Variants in IMMP2L observed in about 807,000 individuals in gnomAD.
The protein encoded by IMMP2L is inner mitochondrial membrane peptidase subunit 2.
In IMMP2L, 18 loss-of-function variants were observed where a neutral mutation model predicts 19.3. The ratio of observed to expected loss-of-function variants is 0.93; its 90% confidence interval spans 0.64 to 1.38. The LOEUF is 1.38. Ranked by LOEUF, IMMP2L falls within the 40% of genes most tolerant of loss-of-function variation. The pLI is 0.00. For missense variants in IMMP2L, 233 were observed against 218.2 expected (o/e 1.07, Z -0.43); for synonymous variants, 76 against 73.0 (o/e 1.04, Z -0.21).
chr7:111,152,086 G>A (rs1007412828), intron 3 of IMMP2L, among the ~76,000 whole-genome samples: 1 of 152,120 alleles, frequency 6.6e-6, no homozygotes, highest in Non-Finnish European at 1.5e-5. Flanking sequence ...TATGGTGTTA[G>A]GGATTTGCTT....
At chr7:111,254,306 TAAAA>T in intron 3 of IMMP2L, among the ~76,000 whole-genome samples, 1 of 152,232 alleles carries the variant, frequency 6.6e-6, no homozygotes, top group East Asian at 1.9e-4. Context: ...GGAATGATCC[TAAAA>T]ACTCTGGAAT....
intron 5 of IMMP2L, among the ~76,000 whole-genome samples, chr7:110,666,336 G>A (rs371708995): frequency 4.1e-4 from 62 of 152,106 alleles, no homozygotes; most frequent in African/African-American, 1.4e-3. Context: ...GTGCAGTGGC[G>A]CAATCTCAGC....
intron 5 of IMMP2L, among the ~76,000 whole-genome samples, chr7:110,762,483 C>T (rs1308771267): frequency 2.0e-5 from 3 of 152,114 alleles, no homozygotes; most frequent in African/African-American, 7.2e-5. Flanking sequence ...TATCACATTG[C>T]CTGAACATCA....
In IMMP2L at chr7:111,274,042, T is replaced by C. The variant is rs541265636; in HGVS notation, c.239+213196A>G. On this transcript the variant is annotated intron_variant, in intron 3 of 5. Transcript: ENST00000405709. ...GAAGAAAATGTGCTTCCCTAACCTA[T>C]TCTTTATTTACTCTGCCAATGACAC... Among the ~76,000 whole-genome samples, 9 of 152,290 alleles carry C rather than the reference T, an allele frequency of 5.9e-5. No individual in the cohort carries two copies. The South Asian group carries it at 1.9e-3, about 32-fold the overall frequency.
At chr7:111,330,114 G>GAAAATTTTAAAAGGAA (rs1257781596) in intron 3 of IMMP2L, among the ~76,000 whole-genome samples, 1 of 151,154 alleles carries the variant, frequency 6.6e-6, no homozygotes, top group Non-Finnish European at 1.5e-5. Context: ...TGAATGACCA[G>GAAAATTTTAAAAGGAA]AAAATTTTAA....
chr7:110,895,786 T>C (rs1031851352), intron 4 of IMMP2L, among the ~76,000 whole-genome samples: 1 of 152,242 alleles, frequency 6.6e-6, no homozygotes. Flanking sequence ...TTAATGTTAT[T>C]TTAAAAGATA....
At chr7:110,787,852 A>G (rs753850402) in intron 5 of IMMP2L, among the ~76,000 whole-genome samples, 4 of 150,600 alleles carry the variant, frequency 2.7e-5, no homozygotes, top group Non-Finnish European at 3.0e-5. Context: ...AAGTTCCAGG[A>G]AGGACAAAAA....
At chr7:111,203,761 C>T (rs1296141777) in intron 3 of IMMP2L, among the ~76,000 whole-genome samples, 3 of 151,484 alleles carry the variant, frequency 2.0e-5, no homozygotes, top group Non-Finnish European at 4.4e-5. Flanking sequence ...CAAAAAAGAT[C>T]CTCGGGGTAT....
chr7:111,199,459 C>T (rs1586795693), intron 3 of IMMP2L, among the ~76,000 whole-genome samples: 1 of 151,826 alleles, frequency 6.6e-6, no homozygotes, highest in East Asian at 1.9e-4. Context: ...CTAAAAGAAG[C>T]CAAAACTAAA....
chr7:111,152,432 C>G (rs951577754), intron 3 of IMMP2L, among the ~76,000 whole-genome samples: 3 of 152,134 alleles, frequency 2.0e-5, no homozygotes, highest in Non-Finnish European at 4.4e-5. Context: ...ATCTCTGTTA[C>G]TGCACACATC....
At chr7:110,909,968 T>C (rs866600173) in intron 4 of IMMP2L, among the ~76,000 whole-genome samples, 1 of 148,498 alleles carries the variant, frequency 6.7e-6, no homozygotes, top group African/African-American at 2.6e-5. Context: ...AAACAGTAAA[T>C]GTGCCAAGGA....
intron 3 of IMMP2L, among the ~76,000 whole-genome samples, chr7:111,030,882 GTGTATATATATATATATATATA>G (rs1285784948): frequency 0.03 from 1,542 of 50,766 alleles, 33 homozygotes; most frequent in African/African-American, 0.068. Flanking sequence ...GTGTGTGTGT[GTGTATATATATATATATATATA>G]TATATATATA....
At chr7:111,113,981 C>A (rs1261624519) in intron 3 of IMMP2L, among the ~76,000 whole-genome samples, 1 of 152,080 alleles carries the variant, frequency 6.6e-6, no homozygotes, top group African/African-American at 2.4e-5. Context: ...GTGTAAAATA[C>A]AAATTAAGGC....
At chr7:111,255,539 TATA>T (rs1394653557) in intron 3 of IMMP2L, among the ~76,000 whole-genome samples, 2 of 152,096 alleles carry the variant, frequency 1.3e-5, no homozygotes, top group Non-Finnish European at 2.9e-5. Flanking sequence ...TGAATTAGAC[TATA>T]ATTATTATAG....
chr7:110,963,653 A>G (rs1029049671), intron 3 of IMMP2L, 88 bp from the exon 4 acceptor site: 1 of 733,470 alleles, frequency 1.4e-6, no homozygotes, highest in Non-Finnish European at 2.2e-6. Context: ...AATAGGCTAT[A>G]TTAAAGTCTT....
chr7:111,000,846 TAAA>T (rs34284744), intron 3 of IMMP2L, among the ~76,000 whole-genome samples: 1 of 143,972 alleles, frequency 6.9e-6, no homozygotes. Flanking sequence ...TCCTCTGTCT[TAAA>T]AAAAAAAAAA....
chr7:110,965,867 T>A (rs980184159), intron 3 of IMMP2L, among the ~76,000 whole-genome samples: 3 of 152,064 alleles, frequency 2.0e-5, no homozygotes, highest in African/African-American at 2.4e-5. Flanking sequence ...TGTTTGGTCA[T>A]GTAACATGCC....
chr7:110,913,932 T>G, intron 4 of IMMP2L, among the ~76,000 whole-genome samples: 1 of 152,272 alleles, frequency 6.6e-6, no homozygotes, highest in East Asian at 1.9e-4. Context: ...GGATCTCAGG[T>G]AAAGTTTTCT....
intron 4 of IMMP2L, among the ~76,000 whole-genome samples, chr7:110,904,979 G>C (rs973067369): frequency 1.3e-5 from 2 of 152,008 alleles, no homozygotes; most frequent in African/African-American, 4.8e-5. Context: ...TTCTTTTCAT[G>C]GTTACAAAAT....
Sources: gnomAD v4.1 joint callset for allele counts (sites outside exome capture counted in the v4.1 genomes callset) on GRCh38, gnomAD v4.1.1 for gene constraint, MANE v1.5 for transcripts, NCBI Gene and HGNC (gene_info 2026-07-23, HGNC 2026-07-21) for gene names.